Variants in SBF2 observed in about 807,000 individuals in gnomAD.
SBF2 encodes the protein SET binding factor 2, also known as myotubularin-related protein 13.
Under a neutral mutation model 225.2 loss-of-function variants are expected in SBF2, and 112 were observed. The observed-to-expected ratio is 0.50, with a 90% CI of 0.43 to 0.58. SBF2 has a LOEUF of 0.58. Ranked by LOEUF, SBF2 falls within the 20% of genes least tolerant of loss-of-function variation. SBF2 has a pLI of 0.00. For missense variants in SBF2, 1,996 were observed against 2,206.2 expected (o/e 0.90, Z 1.91); for synonymous variants, 763 against 773.3 (o/e 0.99, Z 0.22).
chr11:10,058,556 G>C (rs1270522017), intron 2 of SBF2, among the ~76,000 whole-genome samples: 1 of 152,182 alleles, frequency 6.6e-6, no homozygotes, highest in Non-Finnish European at 1.5e-5. Flanking sequence ...CTCTGAAATG[G>C]AGGGGGAGAA....
chr11:10,106,193 C>T (rs1952545472), intron 2 of SBF2, among the ~76,000 whole-genome samples: 1 of 152,134 alleles, frequency 6.6e-6, no homozygotes, highest in Admixed American at 6.5e-5. Flanking sequence ...TCCTCACTTC[C>T]CTCTGTAGTT....
Position 9,940,971 on chromosome 11 carries a change from G to A in SBF2, c.1860+20986C>T, listed in dbSNP as rs560618050. 2.2e-3 allele frequency among the ~76,000 whole-genome samples: 330 copies of A among 152,198 alleles called. 1 individual carries two copies. The highest frequency in any genetic ancestry group is 3.5e-3 in the Non-Finnish European group (240 of 67,996). On this transcript the variant is annotated intron_variant, in intron 16 of 39. Transcript: ENST00000256190. ...GTTCTTAGGAAATAATTACCAAAAT[G>A]AACTCAAGAAAAGCTGAAAACCTGA...
intron 28 of SBF2, 23 bp downstream of exon 28, chr11:9,829,333 A>G (rs1855245885): frequency 3.1e-6 from 5 of 1,613,334 alleles, no homozygotes; most frequent in Non-Finnish European, 4.2e-6. Context: ...GCTGTCAAGA[A>G]GAAAAGTATT....
intron 1 of SBF2, among the ~76,000 whole-genome samples, chr11:10,209,535 C>T (rs1957861518): frequency 6.6e-6 from 1 of 152,122 alleles, no homozygotes; most frequent in African/African-American, 2.4e-5. Flanking sequence ...CTTAACGTTT[C>T]ACTCTCCTGA....
chr11:10,181,948 T>C (rs1019675895), intron 2 of SBF2, among the ~76,000 whole-genome samples: 1 of 152,154 alleles, frequency 6.6e-6, no homozygotes, highest in Non-Finnish European at 1.5e-5. Flanking sequence ...CCCTAAAATT[T>C]TGTACATTGG....
At chr11:10,019,987 G>A (rs1044586495) in intron 6 of SBF2, among the ~76,000 whole-genome samples, 3 of 152,086 alleles carry the variant, frequency 2.0e-5, no homozygotes, top group Non-Finnish European at 4.4e-5. Flanking sequence ...TATTGTTATA[G>A]TAGATATTCA....
At chr11:10,137,224 C>T (rs1319715712) in intron 2 of SBF2, among the ~76,000 whole-genome samples, 1 of 152,090 alleles carries the variant, frequency 6.6e-6, no homozygotes, top group East Asian at 1.9e-4. Flanking sequence ...TACAAAAATA[C>T]AATTAGTTTT....
At chr11:9,795,259 G>A (rs1424527687) in intron 33 of SBF2, among the ~76,000 whole-genome samples, 2 of 152,148 alleles carry the variant, frequency 1.3e-5, no homozygotes, top group Middle Eastern at 3.2e-3. Flanking sequence ...CTTACTATGC[G>A]CTAGTGATTG....
chr11:9,790,940 T>C (rs1852703346), intron 33 of SBF2: 1 of 365,462 alleles, frequency 2.7e-6, no homozygotes, highest in African/African-American at 2.1e-5. Context: ...CAATCATGAC[T>C]CTTCCAACCC....
chr11:9,815,855 G>A (rs1203656310), intron 29 of SBF2, among the ~76,000 whole-genome samples: 1 of 152,162 alleles, frequency 6.6e-6, no homozygotes, highest in African/African-American at 2.4e-5. Context: ...TACCCTAAAG[G>A]TTAGTGACTA....
chr11:10,160,385 AT>A (rs34783889), intron 2 of SBF2, among the ~76,000 whole-genome samples: 1 of 152,074 alleles, frequency 6.6e-6, no homozygotes, highest in African/African-American at 2.4e-5. Flanking sequence ...CCTAATCTCT[AT>A]TTTCAGTGAG....
intron 6 of SBF2, among the ~76,000 whole-genome samples, chr11:10,025,066 G>A (rs899645053): frequency 1.3e-5 from 2 of 151,862 alleles, no homozygotes; most frequent in East Asian, 1.9e-4. Flanking sequence ...TATTGTCTAT[G>A]GTTTCTTTTG....
At chr11:10,234,151 C>T (rs188880397) in intron 1 of SBF2, among the ~76,000 whole-genome samples, 204 of 152,238 alleles carry the variant, frequency 1.3e-3, no homozygotes, top group Non-Finnish European at 2.3e-3. Flanking sequence ...TTCTGCCATA[C>T]CTATCAGATA....
At chr11:10,181,662 G>A (rs774581684) in intron 2 of SBF2, among the ~76,000 whole-genome samples, 1 of 151,836 alleles carries the variant, frequency 6.6e-6, no homozygotes, top group Non-Finnish European at 1.5e-5. Context: ...CCTCCTTCCT[G>A]GACACATCTC....
At chr11:10,178,900 T>C (rs1220545560) in intron 2 of SBF2, among the ~76,000 whole-genome samples, 2 of 148,082 alleles carry the variant, frequency 1.4e-5, no homozygotes, top group Non-Finnish European at 3.0e-5. Flanking sequence ...CACACGTATG[T>C]TTATTGTGGC....
chr11:9,958,880 G>C (rs1866375261), intron 16 of SBF2: 3 of 677,692 alleles, frequency 4.4e-6, no homozygotes, highest in Admixed American at 1.9e-5. Flanking sequence ...AACAGTCTGG[G>C]GAATGTGTAT....
chr11:9,929,837 A>G (rs71476855), intron 16 of SBF2, among the ~76,000 whole-genome samples: 1,808 of 152,340 alleles, frequency 0.012, 13 homozygotes, highest in Middle Eastern at 0.031. Context: ...ATCTTGAAGC[A>G]CAGACATTTA....
At position 9,870,801 on chromosome 11, in the gene SBF2, C is replaced by A. The variant is rs1236650503; in HGVS notation, c.1930-12405G>T. Among the ~76,000 whole-genome samples, 9 of 152,026 alleles carry A rather than the reference C, an allele frequency of 5.9e-5. No homozygotes were observed. In the South Asian group the frequency reaches 8.3e-4, roughly 14 times the overall value. The stretch of plus-strand genomic sequence containing the variant: ...CTATCCTGGCCAACATGGTGAAACC[C>A]CGGCTCTACTAAAAATACAAAAATT... On this transcript the variant is annotated intron_variant, in intron 17 of 39. Transcript: ENST00000256190.
At chr11:9,978,916 T>C (rs774777444) in intron 13 of SBF2, among the ~76,000 whole-genome samples, 6 of 152,214 alleles carry the variant, frequency 3.9e-5, no homozygotes, top group Non-Finnish European at 7.3e-5. Context: ...GGAGGATTGC[T>C]GGAGCCCAGG....
Sources: allele counts gnomAD v4.1 joint callset (sites outside exome capture counted in the v4.1 genomes callset), GRCh38; gene constraint gnomAD v4.1.1; transcripts MANE v1.5; gene names NCBI Gene and HGNC (gene_info 2026-07-23, HGNC 2026-07-21).